The following LVRN variants were observed in gnomAD, a reference collection of about 807,000 sequenced individuals.
LVRN encodes the protein laeverin, also known as aminopeptidase Q.
Under a neutral mutation model 111.4 loss-of-function variants are expected in LVRN, and 99 were observed. The ratio of observed to expected loss-of-function variants is 0.89; its 90% CI spans 0.76 to 1.05. The LOEUF (loss-of-function observed/expected upper bound fraction) is 1.05, where lower values mean the gene tolerates loss of function less well. Among genes scored for constraint, LVRN ranks in the 50% least tolerant of loss-of-function variants. LVRN has a pLI of 0.00. For missense variants in LVRN, 1,414 were observed against 1,206.8 expected (o/e 1.17, Z -2.54); for synonymous variants, 488 against 449.5 (o/e 1.09, Z -1.08).
chr5:116,000,965 A>G, intron 9 of LVRN, 102 bp from the exon 10 acceptor site: 2 of 1,321,808 alleles, frequency 1.5e-6, no homozygotes, highest in Non-Finnish European at 2.1e-6. Flanking sequence ...ACTACTACAT[A>G]AGTGAGGAAG....
chr5:115,995,811 G>A (rs546009063), intron 6 of LVRN, among the ~76,000 whole-genome samples: 277 of 152,304 alleles, frequency 1.8e-3, no homozygotes, highest in African/African-American at 6.4e-3. Context: ...TAAGTAAGTT[G>A]CTCAAGCTCT....
At position 116,001,105 on chromosome 5, in the gene LVRN, A is replaced by G. The variant is rs377474929; in HGVS notation, c.1686A>G (p.Thr562=). Residue 562 remains threonine (T), a synonymous_variant, in exon 10 of 20, where the codon ACA becomes ACG. Transcript: ENST00000357872. ...DDQSTVILPA[T]IKNIMDSWTH... is the part of the protein sequence containing the mutation. ...AGAGTACAGTTATTTTGCCAGCAACAATAAAAAACATAATGGACAGTTGGA... is the reference window on the plus strand; with the variant it reads ...AGAGTACAGTTATTTTGCCAGCAACGATAAAAAACATAATGGACAGTTGGA... 1.2e-6 allele frequency: 2 copies of G among 1,611,590 alleles called. No individual in the cohort carries two copies. Among genetic ancestry groups the G allele is most frequent in the East Asian group, 2.2e-5 (1 of 44,848 alleles).
In LVRN at chr5:115,992,273, AC is replaced by A; in HGVS notation, c.1258del (p.Gln420SerfsTer9). On this transcript the variant is annotated frameshift_variant, in exon 5 of 20. Coordinates refer to ENST00000357872, the MANE Select transcript of LVRN (RefSeq NM_173800.5). LOFTEE classifies it high-confidence loss of function. ...ISYVVSHEIG[H>X]QWFGNLVTMN... ...TATGTTGTCTCCCACGAGATTGGACACCAGGCATGTGGTAAAATGTTCTTTT... is the reference window on the plus strand; with the variant it reads ...TATGTTGTCTCCCACGAGATTGGACACAGGCATGTGGTAAAATGTTCTTTT... 6.2e-7 allele frequency: 1 copy of A among 1,613,678 alleles called. No individual in the cohort carries two copies. The highest frequency in any genetic ancestry group is 8.5e-7 in the Non-Finnish European group (1 of 1,179,836).
chr5:116,005,530 G>A (rs1748343182), intron 12 of LVRN, among the ~76,000 whole-genome samples: 1 of 152,172 alleles, frequency 6.6e-6, no homozygotes, highest in Non-Finnish European at 1.5e-5. Context: ...ATTTATTTAA[G>A]GGCTTCTATG....
chr5:115,963,327 G>A lies in LVRN; in HGVS notation c.695+15G>A. On this transcript the variant is annotated intron_variant, in intron 1 of 19. Transcript: ENST00000357872. Reference sequence around the variant, plus strand: ...GGCGAGCGCAGGTAAGGGCTGTACAGCCCGGGGCCCCTCTCGGCCCCCGCC... The same window carrying A: ...GGCGAGCGCAGGTAAGGGCTGTACAACCCGGGGCCCCTCTCGGCCCCCGCC... 1 of 1,552,754 alleles carries A rather than the reference G, an allele frequency of 6.4e-7. No homozygotes were observed. Among genetic ancestry groups the A allele is most frequent in the Non-Finnish European group, 8.7e-7 (1 of 1,148,480 alleles).
intron 1 of LVRN, among the ~76,000 whole-genome samples, chr5:115,967,640 T>C (rs982676591): frequency 1.3e-5 from 2 of 152,196 alleles, no homozygotes; most frequent in Admixed American, 1.3e-4. Flanking sequence ...CTAAAAATCT[T>C]ATTAGGATTT....
At chr5:115,982,985 C>G (rs1402700515) in intron 1 of LVRN, among the ~76,000 whole-genome samples, 1 of 152,094 alleles carries the variant, frequency 6.6e-6, no homozygotes, top group Non-Finnish European at 1.5e-5. Flanking sequence ...ACTGATGTTG[C>G]ATATTCGCTA....
intron 3 of LVRN, among the ~76,000 whole-genome samples, chr5:115,985,776 A>G (rs1747844266): frequency 6.6e-6 from 1 of 152,202 alleles, no homozygotes; most frequent in Non-Finnish European, 1.5e-5. Flanking sequence ...CTTTAGGAAA[A>G]TATGGAGGTC....
chr5:115,967,530 A>G (rs894086603), intron 1 of LVRN, among the ~76,000 whole-genome samples: 1 of 152,208 alleles, frequency 6.6e-6, no homozygotes. Context: ...TACTGCAGCT[A>G]TACAATAAGT....
chr5:116,014,283 T>G (rs575237901), intron 15 of LVRN, 137 bp from the exon 16 acceptor site: 1 of 659,196 alleles, frequency 1.5e-6, no homozygotes. Context: ...ACAAAAACAA[T>G]TTTTTAAAAC....
intron 5 of LVRN, among the ~76,000 whole-genome samples, chr5:115,992,505 G>A (rs1748019328): frequency 6.6e-6 from 1 of 152,168 alleles, no homozygotes; most frequent in Non-Finnish European, 1.5e-5. Context: ...TGAGGGCTGG[G>A]TATTTACATC....
chr5:115,965,381 T>C (rs1753180990), intron 1 of LVRN, among the ~76,000 whole-genome samples: 1 of 152,210 alleles, frequency 6.6e-6, no homozygotes, highest in Non-Finnish European at 1.5e-5. Flanking sequence ...AATGTGAATG[T>C]TCTTAACACT....
At position 115,999,800 on chromosome 5, in the gene LVRN, C is replaced by T. The variant is rs1285848520; in HGVS notation, c.1413C>T (p.Leu471=). ...IFFSNILHNI[L]REDHALVTRA... ...TTTCTAACATTTTACATAATATCCT[C>T]AGAGAAGATCACGCCCTGGTGACTA... Residue 471 remains leucine (L), a synonymous_variant, in exon 7 of 20, where the codon CTC becomes CTT. Coordinates refer to ENST00000357872, the MANE Select transcript of LVRN (RefSeq NM_173800.5). 1 of 1,613,314 alleles carries T rather than the reference C, an allele frequency of 6.2e-7. No individual in the cohort carries two copies. The highest frequency in any genetic ancestry group is 8.5e-7 in the Non-Finnish European group (1 of 1,179,456).
Position 116,026,429 on chromosome 5 carries a change from C to T in LVRN, c.*311C>T, listed in dbSNP as rs756811546. The T allele has an allele frequency of 3.1e-5, 11 of 353,090 alleles. No homozygotes were observed. Among genetic ancestry groups the T allele is most frequent in the East Asian group, 1.4e-4 (2 of 13,942 alleles). 21.9% of individuals were successfully genotyped at this position (353,090 alleles called of 1,614,324 possible). Reference sequence around the variant, plus strand: ...TAAGATAGTCTTGCTTATTTTGTTGCGAAGGCCAGTGGAATATAAAAATCA... The same window carrying T: ...TAAGATAGTCTTGCTTATTTTGTTGTGAAGGCCAGTGGAATATAAAAATCA... On this transcript the variant is annotated 3_prime_UTR_variant, in exon 20 of 20. Transcript: ENST00000357872.
intron 6 of LVRN, 124 bp from the exon 7 acceptor site, chr5:115,999,638 C>T (rs890271623): frequency 2.0e-6 from 2 of 1,005,784 alleles, no homozygotes; most frequent in Admixed American, 5.6e-5. Context: ...AACTCAAAGA[C>T]ACTTCTCAAT....
Position 116,000,623 on chromosome 5 carries a change from G to A in LVRN, c.1612G>A (p.Ala538Thr), listed in dbSNP as rs1431800441. The change falls in exon 9 of 20, where the codon GCT becomes ACT. Residue 538 changes from alanine to threonine, a missense_variant. Ala to Thr is a moderately conservative substitution (Grantham distance 58). Transcript: ENST00000357872. ...TTTGAAGACATTTTCCTACTCAAAC[G>A]CTGAGCAAGATGATCTATGGAGGCA... Reference protein sequence around the residue: ...SYLKTFSYSNAEQDDLWRHFQ... With the variant: ...SYLKTFSYSNTEQDDLWRHFQ... The A allele has an allele frequency of 5.6e-6, 9 of 1,613,804 alleles. No homozygotes were observed. The highest frequency in any genetic ancestry group is 1.6e-4 in the Middle Eastern group (1 of 6,084).
chr5:115,984,680 C>T lies in LVRN; in HGVS notation c.949C>T (p.His317Tyr), dbSNP rs776542896. 4.3e-6 allele frequency: 7 copies of T among 1,613,552 alleles called. No homozygotes were observed. The Admixed American group carries it at 1.2e-4, about 27-fold the overall frequency. ...CGCATTTGTTATATGTGACTATGAC[C>T]ACGTCAACAGAACAGAAAGGGGCAA... ...LVAFVICDYDHVNRTERGKEI... is the reference protein window; with the variant it reads ...LVAFVICDYDYVNRTERGKEI... The change falls in exon 3 of 20, where the codon CAC (histidine) becomes TAC (tyrosine). Residue 317 changes from histidine to tyrosine, a missense_variant. Physicochemically the swap from His to Tyr is moderately conservative, Grantham distance 83. Transcript: ENST00000357872.
chr5:116,021,945 T>G (rs1748739636), intron 18 of LVRN, among the ~76,000 whole-genome samples: 1 of 152,176 alleles, frequency 6.6e-6, no homozygotes, highest in South Asian at 2.1e-4. Context: ...ATATTAATCT[T>G]CTCTCCAAAA....
chr5:115,983,362 G>A lies in LVRN; in HGVS notation c.771G>A (p.Lys257=), dbSNP rs1393726991. 6.2e-7 allele frequency: 1 copy of A among 1,611,804 alleles called. No individual in the cohort carries two copies. Among genetic ancestry groups the A allele is most frequent in the South Asian group, 1.1e-5 (1 of 90,600 alleles). The change falls in exon 2 of 20, where the codon AAG becomes AAA. Residue 257 remains lysine (K), a synonymous_variant. Transcript: ENST00000357872. ...VFPCFDEPAL[K]ATFNITMIHH... is the part of the protein sequence containing the mutation. ...CTTGTTTTGATGAGCCAGCTCTGAA[G>A]GCAACTTTTAATATTACAATGATTC...
Sources: allele counts gnomAD v4.1 joint callset (sites outside exome capture counted in the v4.1 genomes callset), GRCh38; gene constraint gnomAD v4.1.1; transcripts MANE v1.5; gene names NCBI Gene and HGNC (gene_info 2026-07-23, HGNC 2026-07-21).